The following MTUS2 variants were observed in gnomAD, a reference collection of about 807,000 sequenced individuals.
MTUS2 encodes the protein microtubule-associated tumor suppressor candidate 2.
Under a neutral mutation model 114.1 loss-of-function variants are expected in MTUS2, and 40 were observed. The observed-to-expected ratio is 0.35, with a 90% CI of 0.27 to 0.46. MTUS2 has a LOEUF of 0.46. MTUS2 is among the 20% of genes least tolerant of loss of function. MTUS2 has a pLI of 1.00. For synonymous variants in MTUS2, 688 were observed against 672.0 expected, an observed-to-expected ratio of 1.02 and a Z score of -0.37; for missense variants, 1,679 against 1,705.4, an observed-to-expected ratio of 0.98 and a Z score of 0.27.
At chr13:29,106,950 G>A (rs1890695400) in intron 5 of MTUS2, among the ~76,000 whole-genome samples, 1 of 151,922 alleles carries the variant, frequency 6.6e-6, no homozygotes, top group Non-Finnish European at 1.5e-5. Flanking sequence ...CTAGCCAAAT[G>A]TGAGTAACAA....
rs985701068 is a variant in MTUS2 at position 28,907,333 on chromosome 13, A to G, written c.-243+67483A>G. 2.0e-5 allele frequency among the ~76,000 whole-genome samples: 3 copies of G among 151,686 alleles called. No individual in the cohort carries two copies. The East Asian group carries it at 5.8e-4, about 29-fold the overall frequency. ...ATAAAGACCATTAAGGCTAGGAAGA[A>G]ACTGCATCAACTATCGAGCAAAATA... On this transcript the variant is annotated intron_variant, in intron 2 of 15. Coordinates refer to ENST00000612955, the MANE Select transcript of MTUS2 (RefSeq NM_001033602.4).
At chr13:29,489,263 C>T (rs1301724928) in intron 11 of MTUS2, among the ~76,000 whole-genome samples, 1 of 151,462 alleles carries the variant, frequency 6.6e-6, no homozygotes, top group East Asian at 1.9e-4. Flanking sequence ...CGAAACTCCG[C>T]CTCAAAAAAA....
rs575167365 is a variant in MTUS2 at position 29,287,962 on chromosome 13, G to A, written c.2806+6097G>A. On this transcript the variant is annotated intron_variant, in intron 6 of 15. Transcript: ENST00000612955. ...TAAATGAGCTGCTATACAGCCTGACGTGTCAGTCCTGGTCAGGAGGCTGCA... is the reference window on the plus strand; with the variant it reads ...TAAATGAGCTGCTATACAGCCTGACATGTCAGTCCTGGTCAGGAGGCTGCA... Among the ~76,000 whole-genome samples the A allele has an allele frequency of 4.6e-5, 7 of 152,322 alleles. No homozygotes were observed. In the South Asian group the frequency reaches 1.0e-3, roughly 23 times the overall value.
intron 12 of MTUS2, among the ~76,000 whole-genome samples, chr13:29,493,746 G>A (rs1301809115): frequency 2.6e-5 from 4 of 152,136 alleles, no homozygotes; most frequent in Non-Finnish European, 5.9e-5. Context: ...ACCAATAGTT[G>A]CGCTATCCTT....
chr13:28,844,590 A>AGTGTGTGTGTGTGTGTGTGT (rs60819520), intron 2 of MTUS2, among the ~76,000 whole-genome samples: 1 of 148,100 alleles, frequency 6.8e-6, no homozygotes, highest in Non-Finnish European at 1.5e-5. Flanking sequence ...TTTGTGTGTG[A>AGTGTGTGTGTGTGTGTGTGT]GTGTGTGTGT....
intron 2 of MTUS2, among the ~76,000 whole-genome samples, chr13:28,976,704 A>G (rs188215662): frequency 6.6e-6 from 1 of 152,344 alleles, no homozygotes; most frequent in Admixed American, 6.5e-5. Flanking sequence ...GATTGGCAAT[A>G]TCTAAATGGG....
At chr13:28,949,927 C>G (rs1033352465) in intron 2 of MTUS2, among the ~76,000 whole-genome samples, 3 of 152,174 alleles carry the variant, frequency 2.0e-5, no homozygotes, top group Non-Finnish European at 4.4e-5. Context: ...ACAAATATTT[C>G]TTTAGGACTT....
At chr13:28,858,487 G>A (rs1039917005) in intron 2 of MTUS2, among the ~76,000 whole-genome samples, 1 of 152,100 alleles carries the variant, frequency 6.6e-6, no homozygotes, top group African/African-American at 2.4e-5. Context: ...TCCCAGGCAG[G>A]TAGGACAGGC....
intron 4 of MTUS2, among the ~76,000 whole-genome samples, chr13:29,056,799 TC>T (rs1406633798): frequency 5.3e-5 from 8 of 152,138 alleles, no homozygotes; most frequent in Admixed American, 1.3e-4. Flanking sequence ...GTTTTACACA[TC>T]TCAGTTTCCT....
intron 5 of MTUS2, among the ~76,000 whole-genome samples, chr13:29,182,339 G>A (rs536030124): frequency 6.6e-6 from 1 of 152,334 alleles, no homozygotes; most frequent in Admixed American, 6.5e-5. Context: ...CTCCACTGAT[G>A]ACTGGTGCTT....
intron 5 of MTUS2, among the ~76,000 whole-genome samples, chr13:29,195,145 A>G (rs1346693109): frequency 6.7e-6 from 1 of 148,170 alleles, no homozygotes; most frequent in African/African-American, 2.5e-5. Flanking sequence ...CTAACGCTAA[A>G]TGACGAGTTA....
intron 2 of MTUS2, among the ~76,000 whole-genome samples, chr13:28,857,013 C>A (rs1465229607): frequency 6.6e-6 from 1 of 152,202 alleles, no homozygotes; most frequent in African/African-American, 2.4e-5. Context: ...CACATTCACC[C>A]CAGACACTCT....
intron 4 of MTUS2, among the ~76,000 whole-genome samples, chr13:29,069,651 A>G (rs2475550): frequency 0.58 from 87,486 of 152,044 alleles, 25,472 homozygotes; most frequent in Non-Finnish European, 0.61. Context: ...CATAAGAATA[A>G]TTTGAAAGGG....
At chr13:29,041,439 T>G (rs1360716628) in intron 4 of MTUS2, among the ~76,000 whole-genome samples, 3 of 152,226 alleles carry the variant, frequency 2.0e-5, no homozygotes, top group African/African-American at 7.2e-5. Flanking sequence ...GATTCTTTTT[T>G]GGTTCTATAT....
At chr13:29,090,460 G>A (rs906784604) in intron 4 of MTUS2, among the ~76,000 whole-genome samples, 1 of 152,176 alleles carries the variant, frequency 6.6e-6, no homozygotes, top group Non-Finnish European at 1.5e-5. Flanking sequence ...GGGGCTGCAG[G>A]CGAGCCCACA....
At chr13:29,307,581 C>T in intron 6 of MTUS2, 2 of 1,228,728 alleles carry the variant, frequency 1.6e-6, no homozygotes, top group South Asian at 1.2e-5. Context: ...TGTCAGAGGG[C>T]CCCCTCAAGG....
In MTUS2 at chr13:28,820,623, C is replaced by G. The variant is rs1873823052; in HGVS notation, c.-316+12C>G. ...TCTTTTTGACCCAGGTGAGCGAATC[C>G]TCTGCTGCGCGGTCCGGTGGGGTCG... On this transcript the variant is annotated intron_variant, in intron 1 of 15. Transcript: ENST00000612955. The G allele has an allele frequency of 6.6e-6, 1 of 152,214 alleles. No individual in the cohort carries two copies. The highest frequency in any genetic ancestry group is 1.5e-5 in the Non-Finnish European group (1 of 68,116). The allele number at this position is 152,214 out of a possible 1,614,324, so 9.4% of individuals were successfully genotyped here.
chr13:28,995,288 G>GT (rs879477901), intron 2 of MTUS2, among the ~76,000 whole-genome samples: 2 of 152,170 alleles, frequency 1.3e-5, no homozygotes, highest in East Asian at 1.9e-4. Flanking sequence ...GTACCGTGCT[G>GT]TTTGGTTACT....
intron 4 of MTUS2, among the ~76,000 whole-genome samples, chr13:29,048,702 T>C (rs1367840850): frequency 6.6e-6 from 1 of 152,208 alleles, no homozygotes; most frequent in East Asian, 1.9e-4. Flanking sequence ...ACCCCTGGGC[T>C]CAAGCAGTCC....
Sources: allele counts gnomAD v4.1 joint callset (sites outside exome capture counted in the v4.1 genomes callset), GRCh38; gene constraint gnomAD v4.1.1; transcripts MANE v1.5; gene names NCBI Gene and HGNC (gene_info 2026-07-23, HGNC 2026-07-21).